Variants in GTF3C1 observed in about 807,000 individuals in gnomAD.
GTF3C1 encodes the protein general transcription factor IIIC subunit 1.
GTF3C1 carries 57 observed loss-of-function variants against 226.7 expected under a neutral mutation model. The observed-to-expected ratio is 0.25, with a 90% CI of 0.20 to 0.31. The LOEUF is 0.31. Ranked by LOEUF, GTF3C1 falls within the 10% of genes least tolerant of loss-of-function variation. The probability of loss-of-function intolerance (pLI) is 1.00; values close to 1 mark genes in which losing one functional copy is unlikely to be tolerated. For missense variants in GTF3C1, 2,217 were observed against 2,776.1 expected (o/e 0.80, Z 4.53); for synonymous variants, 1,090 against 1,084.8 (o/e 1.00, Z -0.09).
chr16:27,476,613 T>G (rs2087954625), intron 28 of GTF3C1, 69 bp from the exon 29 acceptor site: 1 of 879,854 alleles, frequency 1.1e-6, no homozygotes. Context: ...GATGCAATTC[T>G]TAGGGAAAAA....
intron 20 of GTF3C1, 48 bp from the exon 21 acceptor site, chr16:27,489,226 G>A (rs780239501): frequency 3.2e-5 from 51 of 1,597,970 alleles, no homozygotes; most frequent in Non-Finnish European, 4.1e-5. Flanking sequence ...GGTCATCACC[G>A]AAAAAGAGAG....
Position 27,495,406 on chromosome 16 carries a change from C to T in GTF3C1, c.2437G>A (p.Gly813Arg), listed in dbSNP as rs764179243. 5.6e-6 allele frequency: 9 copies of T among 1,613,924 alleles called. No homozygotes were observed. The highest frequency in any genetic ancestry group is 1.1e-5 in the South Asian group (1 of 91,068). Residue 813 changes from glycine to arginine, a missense_variant, in exon 15 of 37, where the codon GGG (glycine) becomes AGG (arginine). By Grantham distance (125) the Gly-to-Arg change is moderately radical. Around this residue, in one of 12 missense-constraint regions of GTF3C1, gnomAD observed 353 missense variants for 411.7 expected, o/e 0.86. Transcript: ENST00000356183. ...TCCACGGTGTTGCTGGCAGGGTGCC[C>T]GTAGATGAGGTACCACAGAAACATG... ...VHMFLWYLIY[G>R]HPASNTVEKP...
rs532575274 is a variant in GTF3C1 at position 27,479,354 on chromosome 16, G to A, written c.4197-823C>T. Among the ~76,000 whole-genome samples the A allele has an allele frequency of 1.8e-4, 27 of 151,774 alleles. 1 individual carries two copies. In the South Asian group the frequency reaches 5.4e-3, roughly 30 times the overall value. On this transcript the variant is annotated intron_variant, in intron 27 of 36. Coordinates refer to ENST00000356183, the MANE Select transcript of GTF3C1 (RefSeq NM_001520.4). ...GAGTTTCATGTAATATTATTTTACT[G>A]TATGTATACCAAGCAAGTAAATTTA...
At chr16:27,539,482 T>C (rs999384047) in intron 2 of GTF3C1, among the ~76,000 whole-genome samples, 7 of 152,166 alleles carry the variant, frequency 4.6e-5, no homozygotes, top group African/African-American at 1.7e-4. Context: ...TCAATCCAAC[T>C]GACATCTTGA....
rs2087855144 is a variant in GTF3C1 at position 27,470,740 on chromosome 16, T to C, written c.4527-345A>G. On this transcript the variant is annotated intron_variant, in intron 30 of 36. Transcript: ENST00000356183. This position sits in a 1 kb window ranked among gnomAD's most constrained non-coding sequence, Gnocchi z 4.9. ...CTAGGGATGGTGAACACGCTTTCTG[T>C]AATAATAGTCTCCGCACAAAGCCAG... The C allele has an allele frequency of 3.4e-6, 1 of 289,872 alleles. No individual in the cohort carries two copies. The highest frequency in any genetic ancestry group is 2.2e-5 in the African/African-American group (1 of 46,406). The allele number at this position is 289,872 out of a possible 1,614,324, so 18.0% of individuals were successfully genotyped here. A position where few individuals can be genotyped will look rare whatever the true frequency, so the allele number is the denominator to read the frequency against.
intron 4 of GTF3C1, among the ~76,000 whole-genome samples, chr16:27,534,699 G>C (rs1185028261): frequency 6.6e-6 from 1 of 152,240 alleles, no homozygotes; most frequent in East Asian, 1.9e-4. Context: ...CTATACACAA[G>C]TGAAGAGTTT....
intron 23 of GTF3C1, among the ~76,000 whole-genome samples, 176 bp downstream of exon 23, chr16:27,488,051 T>C: frequency 6.6e-6 from 1 of 152,200 alleles, no homozygotes; most frequent in East Asian, 1.9e-4. Flanking sequence ...CTCTCTCATC[T>C]GCCAAATGGA....
chr16:27,501,385 A>G (rs373078487), intron 11 of GTF3C1, 41 bp from the exon 12 acceptor site: 58 of 1,588,284 alleles, frequency 3.7e-5, no homozygotes, highest in Non-Finnish European at 6.0e-6. Flanking sequence ...CCCAATCTCA[A>G]CATGGAAGGC....
intron 6 of GTF3C1, among the ~76,000 whole-genome samples, chr16:27,527,963 G>A (rs2088858173): frequency 1.4e-5 from 2 of 146,216 alleles, no homozygotes; most frequent in South Asian, 4.2e-4. Context: ...AACAGAGAAA[G>A]ACCCTGTCTC....
intron 32 of GTF3C1, among the ~76,000 whole-genome samples, chr16:27,467,103 A>G (rs2087796808): frequency 6.6e-6 from 1 of 152,376 alleles, no homozygotes; most frequent in Non-Finnish European, 1.5e-5. Context: ...CAATGTGCAC[A>G]AAACAGCTTT....
At chr16:27,474,580 GA>G (rs1021147052) in intron 29 of GTF3C1, among the ~76,000 whole-genome samples, 2 of 151,020 alleles carry the variant, frequency 1.3e-5, no homozygotes, top group Non-Finnish European at 3.0e-5. Flanking sequence ...AACATTTTTT[GA>G]AAAAAAAATT....
At position 27,481,202 on chromosome 16, in the gene GTF3C1, G is replaced by A; in HGVS notation, c.4084-11C>T. 1 of 1,606,474 alleles carries A rather than the reference G, an allele frequency of 6.2e-7. No homozygotes were observed. Among genetic ancestry groups the A allele is most frequent in the Admixed American group, 1.7e-5 (1 of 60,016 alleles). On this transcript the variant is annotated splice_polypyrimidine_tract_variant and intron_variant, in intron 26 of 36. Coordinates refer to ENST00000356183, the MANE Select transcript of GTF3C1 (RefSeq NM_001520.4). ...CTCGTTGGCACAAACCTTTCAACAT[G>A]AGAGCATGAGAGGTTAAGCCCTTAC...
Position 27,507,133 on chromosome 16 carries a change from C to T in GTF3C1, c.1266G>A (p.Arg422=), listed in dbSNP as rs1445219519. The T allele has an allele frequency of 8.1e-6, 13 of 1,608,374 alleles. No homozygotes were observed. Among genetic ancestry groups the T allele is most frequent in the Admixed American group, 3.3e-5 (2 of 59,708 alleles). ...VVKGFMEDEG[R]QRTTKYISCV... ...AGGAAATGTACTTGGTGGTTCGCTG[C>T]CGACCTTCGTCTTCCATGAATCCCT... The change falls in exon 9 of 37, where the codon CGG becomes CGA. Residue 422 remains arginine, a synonymous_variant. Coordinates refer to ENST00000356183, the MANE Select transcript of GTF3C1 (RefSeq NM_001520.4). This position sits in a 1 kb window ranked among gnomAD's most constrained non-coding sequence, Gnocchi z 4.9.
At position 27,462,589 on chromosome 16, in the gene GTF3C1, A is replaced by G. The variant is rs1169093271; in HGVS notation, c.5925-103T>C. 19 of 814,690 alleles carry G rather than the reference A, an allele frequency of 2.3e-5. No homozygotes were observed. The highest frequency in any genetic ancestry group is 3.8e-5 in the Non-Finnish European group (19 of 501,402). 50.5% of individuals were successfully genotyped at this position (814,690 alleles called of 1,614,324 possible). A position where few individuals can be genotyped will look rare whatever the true frequency, so the allele number is the denominator to read the frequency against. Reference sequence around the variant, plus strand: ...GGGCGTCCTAGGCCTGGCCCAGGTCACAGGGCTGAGACCAGCCACCTCTTG... The same window carrying G: ...GGGCGTCCTAGGCCTGGCCCAGGTCGCAGGGCTGAGACCAGCCACCTCTTG... On this transcript the variant is annotated intron_variant, in intron 35 of 36. Transcript: ENST00000356183. The surrounding 1 kb of genome is among the most constrained non-coding windows in gnomAD (Gnocchi z 4.5).
rs149738247 is a variant in GTF3C1, at chr16:27,464,740, G to T, written c.5452C>A (p.Arg1818=). 2 of 1,592,646 alleles carry T rather than the reference G, an allele frequency of 1.3e-6. No individual in the cohort carries two copies. Among genetic ancestry groups the T allele is most frequent in the Admixed American group, 3.4e-5 (2 of 58,800 alleles). Residue 1818 remains arginine, a synonymous_variant, in exon 34 of 37, where the codon CGG becomes AGG. Coordinates refer to ENST00000356183, the MANE Select transcript of GTF3C1 (RefSeq NM_001520.4). ...TCGGCGTCTTCTCTGTCTTTCAGCC[G>T]CACGGAGTGCAGGAGCCAAGGCCAG... The part of the protein sequence containing the change: ...SAWPWLLHSV[R]LKDREDADIQ...
chr16:27,501,095 A>T, intron 12 of GTF3C1, 96 bp downstream of exon 12: 1 of 993,908 alleles, frequency 1.0e-6, no homozygotes, highest in Non-Finnish European at 1.5e-6. Context: ...ACTGGTAATA[A>T]AGCAACTACC....
Position 27,461,572 on chromosome 16 carries a change from C to T in GTF3C1, c.6118-10G>A. 1.2e-6 allele frequency: 2 copies of T among 1,602,016 alleles called. No homozygotes were observed. The highest frequency in any genetic ancestry group is 2.7e-5 in the African/African-American group (2 of 74,826). ...CGAGGGACTCCAGGCCCTGGAGACA[C>T]CAGACACACAGGTTACAGCGGCACT... On this transcript the variant is annotated splice_polypyrimidine_tract_variant and intron_variant, in intron 36 of 36. Transcript: ENST00000356183. The surrounding 1 kb of genome is among the most constrained non-coding windows in gnomAD (Gnocchi z 5.3).
chr16:27,505,858 C>G (rs374742433), intron 10 of GTF3C1, 41 bp downstream of exon 10: 60 of 1,091,182 alleles, frequency 5.5e-5, no homozygotes, highest in Non-Finnish European at 8.4e-5. Context: ...AGGCCACAGA[C>G]TCCTTCTTGG....
chr16:27,466,954 T>C (rs994805134), intron 32 of GTF3C1, among the ~76,000 whole-genome samples: 1 of 152,198 alleles, frequency 6.6e-6, no homozygotes, highest in Non-Finnish European at 1.5e-5. Context: ...GGTTGGTTTA[T>C]GAAGTTTAAG....
Sources: gnomAD v4.1 joint callset for allele counts (sites outside exome capture counted in the v4.1 genomes callset) on GRCh38, gnomAD v4.1.1 for gene constraint, gnomAD v4.1.1 regional missense constraint, Gnocchi (gnomAD v3.1) non-coding constraint, MANE v1.5 for transcripts, NCBI Gene and HGNC (gene_info 2026-07-23, HGNC 2026-07-21) for gene names.